The following IMPACT variants were observed in gnomAD, a reference collection of about 807,000 sequenced individuals.
The protein encoded by IMPACT is protein IMPACT.
IMPACT carries 35 observed loss-of-function variants against 47.5 expected under a neutral mutation model. The observed-to-expected ratio is 0.74, with a 90% CI of 0.56 to 0.98. IMPACT has a LOEUF of 0.98. IMPACT is among the 50% of genes least tolerant of loss of function. IMPACT has a pLI of 0.00. For synonymous variants in IMPACT, 118 were observed against 125.6 expected, an observed-to-expected ratio of 0.94 and a Z score of 0.40; for missense variants, 373 against 394.8, an observed-to-expected ratio of 0.94 and a Z score of 0.47.
intron 4 of IMPACT, chr18:24,435,459 A>T (rs1269103831): frequency 1.3e-5 from 2 of 152,220 alleles, no homozygotes; most frequent in Admixed American, 6.5e-5. Context: ...TTAATTTAGA[A>T]ATCTGAGAAA....
At chr18:24,430,546 T>A (rs955161127) in intron 4 of IMPACT, among the ~76,000 whole-genome samples, 162 bp downstream of exon 4, 9 of 152,214 alleles carry the variant, frequency 5.9e-5, no homozygotes, top group Non-Finnish European at 1.2e-4. Context: ...GTTAGTTATA[T>A]AATTTTATAT....
rs1245665498 is a variant in IMPACT at position 24,446,466 on chromosome 18, T to C, written c.668+1000T>C. Among the ~76,000 whole-genome samples, 2 of 152,196 alleles carry C rather than the reference T, an allele frequency of 1.3e-5. 1 individual carries two copies. Among genetic ancestry groups the C allele is most frequent in the African/African-American group, 4.8e-5 (2 of 41,444 alleles). On this transcript the variant is annotated intron_variant, in intron 8 of 10. Transcript: ENST00000284202. The stretch of plus-strand genomic sequence containing the variant: ...AGGTTTTTATATGCATCTTTGCTGA[T>C]TTGTAAGTGAAGAGATGAAGGGCAT...
chr18:24,428,738 C>T, intron 2 of IMPACT, 131 bp from the exon 3 acceptor site: 1 of 606,300 alleles, frequency 1.6e-6, no homozygotes, highest in Non-Finnish European at 2.9e-6. Context: ...GTATAATGTC[C>T]ATATTTCAGT....
intron 9 of IMPACT, among the ~76,000 whole-genome samples, chr18:24,448,717 T>C (rs1004750008): frequency 6.6e-6 from 1 of 152,096 alleles, no homozygotes; most frequent in African/African-American, 2.4e-5. Context: ...TCCTGTTCTG[T>C]TTTATGGCTC....
At chr18:24,426,954 C>G in intron 1 of IMPACT, 162 bp downstream of exon 1, 2 of 492,146 alleles carry the variant, frequency 4.1e-6, no homozygotes, top group African/African-American at 2.0e-5. Context: ...CGGCGCTTCC[C>G]GTCGGCCGAG....
Position 24,451,670 on chromosome 18 carries a change from G to A in IMPACT, c.*823G>A, listed in dbSNP as rs1211763610. ...TCTTGTGATCTTCACTGAGGAATTAGAACTATGATAGAAGTTAGGCTGTGG... is the reference window on the plus strand; with the variant it reads ...TCTTGTGATCTTCACTGAGGAATTAAAACTATGATAGAAGTTAGGCTGTGG... On this transcript the variant is annotated 3_prime_UTR_variant, in exon 11 of 11. Transcript: ENST00000284202. The A allele has an allele frequency of 6.6e-6, 1 of 152,146 alleles. No individual in the cohort carries two copies. The highest frequency in any genetic ancestry group is 1.5e-5 in the Non-Finnish European group (1 of 68,036). 9.4% of individuals were successfully genotyped at this position (152,146 alleles called of 1,614,324 possible).
At chr18:24,441,835 G>A (rs980223438) in intron 6 of IMPACT, among the ~76,000 whole-genome samples, 6 of 152,178 alleles carry the variant, frequency 3.9e-5, no homozygotes, top group Non-Finnish European at 7.4e-5. Flanking sequence ...ATTTATTTGT[G>A]TGTGGATTTG....
chr18:24,445,013 T>G (rs1909212219), intron 7 of IMPACT, among the ~76,000 whole-genome samples: 2 of 152,248 alleles, frequency 1.3e-5, no homozygotes, highest in Non-Finnish European at 2.9e-5. Context: ...TTATAACATT[T>G]GGAACATACC....
intron 10 of IMPACT, 96 bp from the exon 11 acceptor site, chr18:24,450,672 TGAATATATGTG>T (rs1444596001): frequency 1.5e-6 from 1 of 667,164 alleles, no homozygotes; most frequent in Non-Finnish European, 2.6e-6. Context: ...CATATATGTA[TGAATATATGTG>T]GAATATATAT....
chr18:24,438,782 T>C (rs1360788985), intron 5 of IMPACT, among the ~76,000 whole-genome samples: 1 of 152,126 alleles, frequency 6.6e-6, no homozygotes, highest in Non-Finnish European at 1.5e-5. Flanking sequence ...TATGCCTTAT[T>C]ATTGGTGATA....
In IMPACT at chr18:24,437,997, A is replaced by G; in HGVS notation, c.324A>G (p.Lys108=). The G allele has an allele frequency of 6.3e-7, 1 of 1,585,190 alleles. No homozygotes were observed. Among genetic ancestry groups the G allele is most frequent in the Non-Finnish European group, 8.6e-7 (1 of 1,160,972 alleles). ...GESILYLWVE[K]IRDVLIQKSQ... ...GTATTCTTTACCTGTGGGTGGAGAAAATAAGAGATGTTCTTATACAAAAAT... is the reference window on the plus strand; with the variant it reads ...GTATTCTTTACCTGTGGGTGGAGAAGATAAGAGATGTTCTTATACAAAAAT... Residue 108 remains lysine, a synonymous_variant, in exon 5 of 11, where the codon AAA becomes AAG. Transcript: ENST00000284202.
intron 8 of IMPACT, among the ~76,000 whole-genome samples, chr18:24,446,719 A>G (rs574106287): frequency 2.5e-4 from 38 of 152,332 alleles, no homozygotes; most frequent in African/African-American, 8.7e-4. Flanking sequence ...ATTATTTGTT[A>G]TGTAATTCCC....
intron 4 of IMPACT, among the ~76,000 whole-genome samples, chr18:24,435,122 C>T (rs969297232): frequency 1.1e-4 from 16 of 151,650 alleles, no homozygotes; most frequent in Admixed American, 2.0e-4. Flanking sequence ...TATAGGTGTG[C>T]CACCACTGGC....
intron 2 of IMPACT, 96 bp downstream of exon 2, chr18:24,428,143 A>G (rs1191240898): frequency 8.4e-7 from 1 of 1,186,524 alleles, no homozygotes; most frequent in South Asian, 1.8e-5. Flanking sequence ...TTTCTAAATT[A>G]TCTTTGTTCT....
intron 8 of IMPACT, among the ~76,000 whole-genome samples, chr18:24,447,298 G>A (rs1909271859): frequency 1.3e-5 from 2 of 152,216 alleles, no homozygotes; most frequent in Non-Finnish European, 2.9e-5. Context: ...AGAGCTGGGA[G>A]GATGTCTTTA....
At chr18:24,427,273 AG>A (rs1205440275) in intron 1 of IMPACT, 1 of 158,354 alleles carries the variant, frequency 6.3e-6, no homozygotes, top group African/African-American at 2.4e-5. Context: ...CTTTTCCTAC[AG>A]GGCTGTGAGT....
rs1212988585 is a variant in IMPACT at position 24,428,894 on chromosome 18, G to C, written c.191G>C (p.Gly64Ala). 1 of 1,611,428 alleles carries C rather than the reference G, an allele frequency of 6.2e-7. No individual in the cohort carries two copies. Among genetic ancestry groups the C allele is most frequent in the East Asian group, 2.2e-5 (1 of 44,712 alleles). The change falls in exon 3 of 11, where the codon GGT becomes GCT. Residue 64 changes from glycine to alanine, a missense_variant. Physicochemically the swap from Gly to Ala is moderately conservative, Grantham distance 60 (BLOSUM62 0). Coordinates refer to ENST00000284202, the MANE Select transcript of IMPACT (RefSeq NM_018439.4). Reference protein sequence around the residue: ...LQVMLPNEYPGTAPPIYQLNA... With the variant: ...LQVMLPNEYPATAPPIYQLNA... The stretch of plus-strand genomic sequence containing the variant: ...GTGATGCTGCCGAATGAATACCCAG[G>C]TACAGCTCCACCTATCTACCAGTTG...
chr18:24,428,846 A>G lies in IMPACT; in HGVS notation c.166-23A>G, dbSNP rs375438157. 2.2e-5 allele frequency: 35 copies of G among 1,596,468 alleles called. No homozygotes were observed. The East Asian group carries it at 7.8e-4, about 36-fold the overall frequency. On this transcript the variant is annotated intron_variant, in intron 2 of 10. Coordinates refer to ENST00000284202, the MANE Select transcript of IMPACT (RefSeq NM_018439.4). ...TTGAACCTTGATGAAGTGTAAACAGATGTTTTTGAACCTGCATTGTAGGTG... is the reference window on the plus strand; with the variant it reads ...TTGAACCTTGATGAAGTGTAAACAGGTGTTTTTGAACCTGCATTGTAGGTG...
At position 24,427,997 on chromosome 18, in the gene IMPACT, A is replaced by G. The variant is rs1398487116; in HGVS notation, c.115A>G (p.Ile39Val). The stretch of plus-strand genomic sequence containing the variant: ...TGATGACTGTGCCAAAATATTTTGT[A>G]TTAGAATTAGCGACGATATAGATGA... ...VIDDCAKIFC[I>V]RISDDIDDPK... The change falls in exon 2 of 11, where the codon ATT becomes GTT. Residue 39 changes from isoleucine to valine, a missense_variant. Coordinates refer to ENST00000284202, the MANE Select transcript of IMPACT (RefSeq NM_018439.4). The G allele has an allele frequency of 2.5e-6, 4 of 1,601,160 alleles. No individual in the cohort carries two copies. The highest frequency in any genetic ancestry group is 2.5e-6 in the Non-Finnish European group (3 of 1,176,606).
Sources: gnomAD v4.1 joint callset for allele counts (sites outside exome capture counted in the v4.1 genomes callset) on GRCh38, gnomAD v4.1.1 for gene constraint, MANE v1.5 for transcripts, NCBI Gene and HGNC (gene_info 2026-07-23, HGNC 2026-07-21) for gene names.